Variants in NCOR1 observed in about 807,000 individuals in gnomAD.
NCOR1 encodes the protein nuclear receptor corepressor 1.
A neutral mutation model predicts 288.1 loss-of-function variants in NCOR1; 63 were observed. That is an observed-to-expected ratio of 0.22 (90% confidence interval 0.18 to 0.27). The LOEUF (loss-of-function observed/expected upper bound fraction) is 0.27, where lower values mean the gene tolerates loss of function less well. Ranked by LOEUF, NCOR1 falls within the 10% of genes least tolerant of loss-of-function variation. The pLI is 1.00. For missense variants in NCOR1, 2,397 were observed against 3,019.2 expected, an observed-to-expected ratio of 0.79 and a Z score of 4.83; for synonymous variants, 1,007 against 1,065.9, an observed-to-expected ratio of 0.94 and a Z score of 1.08.
At chr17:16,111,031 T>C (rs982042464) in intron 18 of NCOR1, among the ~76,000 whole-genome samples, 1 of 152,226 alleles carries the variant, frequency 6.6e-6, no homozygotes, top group Admixed American at 6.5e-5. Flanking sequence ...CTGGAACATC[T>C]GGCCTCAAGC....
At chr17:16,034,383 G>C (rs1330591162) in intron 45 of NCOR1, among the ~76,000 whole-genome samples, 1 of 152,110 alleles carries the variant, frequency 6.6e-6, no homozygotes, top group African/African-American at 2.4e-5. Flanking sequence ...GAGTTCAGGA[G>C]TTCGAGACCA....
intron 1 of NCOR1, among the ~76,000 whole-genome samples, chr17:16,214,927 T>C (rs2092423578): frequency 6.6e-6 from 1 of 152,250 alleles, no homozygotes; most frequent in Non-Finnish European, 1.5e-5. Context: ...TGTCCATGGC[T>C]GTCAACCTCC....
intron 23 of NCOR1, among the ~76,000 whole-genome samples, chr17:16,081,831 A>G (rs954605192): frequency 1.3e-5 from 2 of 152,234 alleles, no homozygotes; most frequent in African/African-American, 4.8e-5. Context: ...ATGGGGTCTG[A>G]AAAACTCCAA....
intron 14 of NCOR1, among the ~76,000 whole-genome samples, chr17:16,128,460 T>A (rs2075094337): frequency 6.6e-6 from 1 of 152,210 alleles, no homozygotes; most frequent in Non-Finnish European, 1.5e-5. Flanking sequence ...CTCTGTGTTA[T>A]CATCTCATCA....
chr17:16,064,320 C>T lies in NCOR1; in HGVS notation c.5102-133G>A, dbSNP rs2060879700. On this transcript the variant is annotated intron_variant, in intron 34 of 45. Coordinates refer to ENST00000268712, the MANE Select transcript of NCOR1 (RefSeq NM_006311.4). ...TTGGGATATAAGAAGTTTGTTTTGG[C>T]TGGGTGCAGTGGCTGACACCTGTAA... 16 of 1,228,668 alleles carry T rather than the reference C, an allele frequency of 1.3e-5. No homozygotes were observed. The South Asian group carries it at 2.3e-4, about 17-fold the overall frequency. The allele number at this position is 1,228,668 out of a possible 1,614,324, so 76.1% of individuals were successfully genotyped here.
At chr17:16,173,837 G>A (rs536590373) in intron 3 of NCOR1, among the ~76,000 whole-genome samples, 10 of 151,970 alleles carry the variant, frequency 6.6e-5, no homozygotes, top group East Asian at 3.9e-4. Context: ...AGGCTGAGGC[G>A]GAAGAATCGC....
intron 26 of NCOR1, 73 bp downstream of exon 26, chr17:16,079,891 C>T (rs2063131064): frequency 1.5e-6 from 2 of 1,322,618 alleles, no homozygotes; most frequent in South Asian, 2.5e-5. Flanking sequence ...CACAAAATAG[C>T]CAAAGTGCTA....
chr17:16,053,875 C>T (rs1022902042), intron 40 of NCOR1, among the ~76,000 whole-genome samples: 2 of 151,736 alleles, frequency 1.3e-5, no homozygotes, highest in Non-Finnish European at 2.9e-5. Context: ...GAACAGAGAA[C>T]CCAGAAATAA....
At chr17:16,177,980 C>T (rs146764392) in intron 3 of NCOR1, among the ~76,000 whole-genome samples, 2,680 of 152,148 alleles carry the variant, frequency 0.018, 33 homozygotes, top group Non-Finnish European at 0.026. Context: ...GAGGCTGAGG[C>T]GGGCGGATCA....
chr17:16,086,334 G>A lies in NCOR1; in HGVS notation c.3125C>T (p.Thr1042Ile), dbSNP rs760980680. ...AGATGGTTTTTCTGAAGCCACTGTG[G>A]TTTTGGATGACGGGATGAGAGGGGG... is the stretch of plus-strand genomic sequence containing the variant. ...PPPPLIPSSKTTVASEKPSFI... is the reference protein window; with the variant it reads ...PPPPLIPSSKITVASEKPSFI... Residue 1042 changes from threonine to isoleucine, a missense_variant, in exon 23 of 46, where the codon ACC (threonine) becomes ATC (isoleucine). Thr to Ile is a moderately conservative substitution (Grantham distance 89). This residue lies in a region of NCOR1 where 1,872 missense variants were observed against 2,187.8 expected (regional missense o/e 0.86). Coordinates refer to ENST00000268712, the MANE Select transcript of NCOR1 (RefSeq NM_006311.4). 6.2e-7 allele frequency: 1 copy of A among 1,614,176 alleles called. No homozygotes were observed. Among genetic ancestry groups the A allele is most frequent in the Non-Finnish European group, 8.5e-7 (1 of 1,180,002 alleles).
chr17:16,158,932 T>A, intron 5 of NCOR1, 59 bp from the exon 6 acceptor site: 1 of 1,196,744 alleles, frequency 8.4e-7, no homozygotes, highest in Non-Finnish European at 1.2e-6. Flanking sequence ...CAGCAGTGAT[T>A]AACCACTGGA....
intron 1 of NCOR1, among the ~76,000 whole-genome samples, chr17:16,201,817 C>T (rs1410895038): frequency 1.3e-5 from 2 of 152,210 alleles, no homozygotes; most frequent in Non-Finnish European, 2.9e-5. Flanking sequence ...CAGCCAAGCG[C>T]GGTGGCTCAC....
At position 16,031,820 on chromosome 17, in the gene NCOR1, G is replaced by C. The variant is rs1972053952; in HGVS notation, c.*476C>G. ...ACAGCCAACATTATGTAACTGGGCT[G>C]TATGAGGTTGTTTAGAAGGCTAGGG... On this transcript the variant is annotated 3_prime_UTR_variant, in exon 46 of 46. Coordinates refer to ENST00000268712, the MANE Select transcript of NCOR1 (RefSeq NM_006311.4). The C allele has an allele frequency of 4.3e-6, 1 of 232,038 alleles. No individual in the cohort carries two copies. Among genetic ancestry groups the C allele is most frequent in the Non-Finnish European group, 8.5e-6 (1 of 117,424 alleles). 14.4% of individuals were successfully genotyped at this position (232,038 alleles called of 1,614,324 possible).
rs2153389937 is a variant in NCOR1 at position 16,153,326 on chromosome 17, A to G, written c.789+13T>C. ...AAAAAAAAAAATCACTGGAAATGAA[A>G]AAATTTACTTACCAGTTCAACTTTT... On this transcript the variant is annotated intron_variant, in intron 7 of 45. Transcript: ENST00000268712. The G allele has an allele frequency of 6.4e-7, 1 of 1,560,540 alleles. No homozygotes were observed. Among genetic ancestry groups the G allele is most frequent in the Non-Finnish European group, 8.7e-7 (1 of 1,151,052 alleles).
chr17:16,122,197 C>T (rs552885208), intron 15 of NCOR1, among the ~76,000 whole-genome samples: 4 of 152,292 alleles, frequency 2.6e-5, no homozygotes, highest in African/African-American at 7.2e-5. Context: ...TACTACTTAC[C>T]TCCCATGGTT....
intron 3 of NCOR1, among the ~76,000 whole-genome samples, chr17:16,183,237 AAAAAAAAAGAAAAG>A (rs1183099222): frequency 2.3e-4 from 34 of 150,608 alleles, no homozygotes; most frequent in South Asian, 6.2e-4. Flanking sequence ...AAACAAAAAA[AAAAAAAAAGAAAAG>A]AAAAAAAAGA....
At chr17:16,129,802 G>A (rs959340300) in intron 14 of NCOR1, among the ~76,000 whole-genome samples, 4 of 152,322 alleles carry the variant, frequency 2.6e-5, no homozygotes, top group Non-Finnish European at 5.9e-5. Flanking sequence ...CAGAACGTAA[G>A]GAAAGAAATT....
intron 18 of NCOR1, among the ~76,000 whole-genome samples, chr17:16,113,288 A>G (rs931478707): frequency 1.3e-5 from 2 of 152,056 alleles, no homozygotes; most frequent in Admixed American, 1.3e-4. Context: ...CAGTGGCACA[A>G]CCTTCCCCTT....
chr17:16,047,071 T>C lies in NCOR1; in HGVS notation c.6559A>G (p.Ser2187Gly), dbSNP rs1197617719. ...AAGAATGAAGGCAAGTAGCTTATAC[T>C]CCCTGGTGAGCGGGCATCATTCCTG... is the stretch of plus-strand genomic sequence containing the variant. ...EQRNDARSPG[S>G]ISYLPSFFTK... Residue 2187 changes from serine to glycine, a missense_variant, in exon 42 of 46, where the codon AGT becomes GGT. Ser to Gly is a moderately conservative substitution (Grantham distance 56). Coordinates refer to ENST00000268712, the MANE Select transcript of NCOR1 (RefSeq NM_006311.4). 1.9e-6 allele frequency: 3 copies of C among 1,612,972 alleles called. No individual in the cohort carries two copies. The African/African-American group carries it at 4.0e-5, about 22-fold the overall frequency.
Sources: gnomAD v4.1 joint callset for allele counts (sites outside exome capture counted in the v4.1 genomes callset) on GRCh38, gnomAD v4.1.1 for gene constraint, gnomAD v4.1.1 regional missense constraint, MANE v1.5 for transcripts, NCBI Gene and HGNC (gene_info 2026-07-23, HGNC 2026-07-21) for gene names.